RBFOX1: variants seen among roughly 807,000 people sequenced by gnomAD.
RBFOX1 encodes RNA binding fox-1 homolog 1.
In RBFOX1, 8 loss-of-function variants were observed where a neutral mutation model predicts 57.7. The ratio of observed to expected loss-of-function variants is 0.14; its 90% CI spans 0.08 to 0.25. RBFOX1 has a LOEUF of 0.25. RBFOX1 is among the 10% of genes least tolerant of loss of function. RBFOX1 has a pLI of 1.00. For synonymous variants in RBFOX1, 326 were observed against 222.4 expected (o/e 1.47, Z -4.15); for missense variants, 611 against 548.5 (o/e 1.11, Z -1.14).
chr16:7,510,631 G>A (rs1165615324), intron 4 of RBFOX1, among the ~76,000 whole-genome samples: 2 of 152,156 alleles, frequency 1.3e-5, no homozygotes, highest in Non-Finnish European at 2.9e-5. Flanking sequence ...ATGCCCCTAG[G>A]GCATGATGCA....
intron 3 of RBFOX1, among the ~76,000 whole-genome samples, chr16:6,841,851 C>G (rs7498276): frequency 0.48 from 73,641 of 151,922 alleles, 19,157 homozygotes; most frequent in East Asian, 0.75. Context: ...ATAAAAAATT[C>G]CAACAGGCCG....
chr16:7,194,681 A>G (rs977358659), intron 4 of RBFOX1, among the ~76,000 whole-genome samples: 2 of 152,158 alleles, frequency 1.3e-5, no homozygotes, highest in Non-Finnish European at 2.9e-5. Flanking sequence ...TAATCCCAGC[A>G]ATTTTAGAGG....
chr16:6,611,084 G>A (rs975203902), intron 2 of RBFOX1, among the ~76,000 whole-genome samples: 3 of 152,170 alleles, frequency 2.0e-5, no homozygotes, highest in Admixed American at 2.0e-4. Flanking sequence ...GCAAAAGCAG[G>A]AAACCAACAG....
At chr16:6,672,174 T>G (rs2098769653) in intron 3 of RBFOX1, among the ~76,000 whole-genome samples, 1 of 152,248 alleles carries the variant, frequency 6.6e-6, no homozygotes, top group African/African-American at 2.4e-5. Context: ...ATCTTTTATT[T>G]AGTTTCTATT....
intron 4 of RBFOX1, among the ~76,000 whole-genome samples, chr16:7,201,440 C>T (rs1041850959): frequency 1.3e-5 from 2 of 149,816 alleles, no homozygotes; most frequent in Non-Finnish European, 3.0e-5. Context: ...AAGAGAATGC[C>T]ACGATCTGAT....
At chr16:6,818,420 T>C (rs776452211) in intron 3 of RBFOX1, among the ~76,000 whole-genome samples, 2 of 151,994 alleles carry the variant, frequency 1.3e-5, no homozygotes, top group South Asian at 2.1e-4. Context: ...TACAGATCCA[T>C]GAGTGGCCAA....
At chr16:6,433,185 G>A (rs2094144509) in intron 2 of RBFOX1, among the ~76,000 whole-genome samples, 1 of 152,214 alleles carries the variant, frequency 6.6e-6, no homozygotes, top group Non-Finnish European at 1.5e-5. Flanking sequence ...ACAGTGAAAA[G>A]CAGTCAGGTG....
At chr16:6,878,828 A>C (rs2062347507) in intron 3 of RBFOX1, among the ~76,000 whole-genome samples, 1 of 152,038 alleles carries the variant, frequency 6.6e-6, no homozygotes, top group African/African-American at 2.4e-5. Context: ...GGGTTTTGGA[A>C]AAACCTATTT....
intron 2 of RBFOX1, among the ~76,000 whole-genome samples, chr16:6,545,167 A>C (rs866433452): frequency 5.5e-4 from 83 of 152,248 alleles, no homozygotes; most frequent in African/African-American, 1.9e-3. Flanking sequence ...TTTAATCCAA[A>C]CTACCCGCAT....
In RBFOX1 at chr16:6,052,653, G is replaced by A. The variant is rs557301177; in HGVS notation, c.-127+32661G>A. Among the ~76,000 whole-genome samples, 19 of 151,890 alleles carry A rather than the reference G, an allele frequency of 1.3e-4. No homozygotes were observed. The East Asian group carries it at 1.6e-3, about 12-fold the overall frequency. On this transcript the variant is annotated intron_variant, in intron 1 of 15. Transcript: ENST00000550418. ...CAAAAAATTAGACTGGCGCGGTGGC[G>A]GGCGCCTGTAGTCCCAGCTACTCGG...
At chr16:6,040,153 A>G (rs895467613) in intron 1 of RBFOX1, among the ~76,000 whole-genome samples, 3 of 152,232 alleles carry the variant, frequency 2.0e-5, no homozygotes, top group African/African-American at 7.2e-5. Flanking sequence ...TTACATATTA[A>G]TTCACTCTGT....
intron 3 of RBFOX1, among the ~76,000 whole-genome samples, chr16:5,854,613 C>T (rs557852130): frequency 6.6e-6 from 1 of 151,004 alleles, no homozygotes; most frequent in South Asian, 2.1e-4. Flanking sequence ...CACACATGCA[C>T]ACCACATTTT....
chr16:7,361,975 C>T (rs896206113), intron 4 of RBFOX1, among the ~76,000 whole-genome samples: 5 of 146,396 alleles, frequency 3.4e-5, no homozygotes, highest in Non-Finnish European at 4.5e-5. Flanking sequence ...GTGTGTATGC[C>T]AGTGTGTGTA....
intron 2 of RBFOX1, among the ~76,000 whole-genome samples, chr16:6,321,996 C>T (rs1275344318): frequency 6.6e-6 from 1 of 152,200 alleles, no homozygotes; most frequent in Non-Finnish European, 1.5e-5. Context: ...CAGTCCACGT[C>T]TCACTCATTG....
chr16:7,404,528 C>G (rs1049143045), intron 4 of RBFOX1, among the ~76,000 whole-genome samples: 2 of 152,138 alleles, frequency 1.3e-5, no homozygotes, highest in Non-Finnish European at 2.9e-5. Context: ...TAGATAGGTG[C>G]TATTATCATT....
At chr16:6,621,154 C>A (rs1395298994) in intron 2 of RBFOX1, among the ~76,000 whole-genome samples, 1 of 152,210 alleles carries the variant, frequency 6.6e-6, no homozygotes, top group Admixed American at 6.5e-5. Flanking sequence ...ATCTCCCTCT[C>A]CTTTCTCTTA....
At chr16:7,042,472 G>A (rs898154216) in intron 3 of RBFOX1, among the ~76,000 whole-genome samples, 1 of 152,144 alleles carries the variant, frequency 6.6e-6, no homozygotes, top group African/African-American at 2.4e-5. Flanking sequence ...CCTGTAAAAT[G>A]GAGCTAAAAT....
intron 3 of RBFOX1, among the ~76,000 whole-genome samples, chr16:7,019,821 A>G (rs1263701956): frequency 1.3e-5 from 2 of 152,302 alleles, no homozygotes; most frequent in East Asian, 3.9e-4. Context: ...TCCTGAACAT[A>G]TGATTCTCTC....
At chr16:6,936,031 TC>T (rs1416891359) in intron 3 of RBFOX1, among the ~76,000 whole-genome samples, 1 of 152,308 alleles carries the variant, frequency 6.6e-6, no homozygotes, top group East Asian at 1.9e-4. Context: ...CAAGAGGGTT[TC>T]TTCTCAATGC....
Sources: gnomAD v4.1 joint callset for allele counts (sites outside exome capture counted in the v4.1 genomes callset) on GRCh38, gnomAD v4.1.1 for gene constraint, MANE v1.5 for transcripts, NCBI Gene and HGNC (gene_info 2026-07-23, HGNC 2026-07-21) for gene names.